DENND1A: variants seen among roughly 807,000 people sequenced by gnomAD.
DENND1A encodes DENN domain-containing protein 1A.
Under a neutral mutation model 113.7 loss-of-function variants are expected in DENND1A, and 51 were observed. The observed-to-expected ratio is 0.45, with a 90% CI of 0.36 to 0.57. The LOEUF (loss-of-function observed/expected upper bound fraction) is 0.57. DENND1A is among the 20% of genes least tolerant of loss of function. The pLI, the probability that DENND1A is intolerant of heterozygous loss-of-function variation, is 0.00. For synonymous variants in DENND1A, 565 were observed against 570.8 expected, an observed-to-expected ratio of 0.99 and a Z score of 0.14; for missense variants, 1,258 against 1,395.9, an observed-to-expected ratio of 0.90 and a Z score of 1.57.
Position 123,557,758 on chromosome 9 carries a change from G to A in DENND1A, c.868-63C>T, listed in dbSNP as rs2057506664. On this transcript the variant is annotated intron_variant, in intron 12 of 23. Coordinates refer to ENST00000394215, the MANE Select transcript of DENND1A (RefSeq NM_001352964.2). ...GGGTCAAAGTAGGGTGGCTGACTAA[G>A]CCCACTACATATGGAGCCCTGGAAG... is the stretch of plus-strand genomic sequence containing the variant. The A allele has an allele frequency of 1.1e-5, 17 of 1,581,586 alleles. No homozygotes were observed. The South Asian group carries it at 1.6e-4, about 15-fold the overall frequency.
chr9:123,696,150 C>T (rs376544549), intron 5 of DENND1A, among the ~76,000 whole-genome samples: 2 of 152,150 alleles, frequency 1.3e-5, no homozygotes, highest in South Asian at 4.1e-4. Flanking sequence ...TTTACCTATT[C>T]TGCCAAGCCA....
chr9:123,857,913 G>C (rs1264920641), intron 2 of DENND1A, among the ~76,000 whole-genome samples: 1 of 152,054 alleles, frequency 6.6e-6, no homozygotes, highest in Non-Finnish European at 1.5e-5. Flanking sequence ...CAAAAAATTA[G>C]CTGGGCGTGG....
In DENND1A at chr9:123,460,496, G is replaced by A. The variant is rs573299254; in HGVS notation, c.994-2599C>T. Reference sequence around the variant, plus strand: ...AACCTCCACCTGATGGCCTGCTGGCGTCTCAAACTCAAAATAGCCTGAAAC... The same window carrying A: ...AACCTCCACCTGATGGCCTGCTGGCATCTCAAACTCAAAATAGCCTGAAAC... On this transcript the variant is annotated intron_variant, in intron 13 of 23. Transcript: ENST00000394215. Among the ~76,000 whole-genome samples the A allele has an allele frequency of 1.3e-4, 20 of 152,280 alleles. No homozygotes were observed. The South Asian group carries it at 3.5e-3, about 27-fold the overall frequency.
At chr9:123,640,412 C>T (rs2061966250) in intron 9 of DENND1A, among the ~76,000 whole-genome samples, 1 of 152,108 alleles carries the variant, frequency 6.6e-6, no homozygotes, top group Non-Finnish European at 1.5e-5. Context: ...GCTTCTTAGG[C>T]CACTCAAGCT....
At chr9:123,660,149 G>A (rs977374629) in intron 8 of DENND1A, among the ~76,000 whole-genome samples, 3 of 152,150 alleles carry the variant, frequency 2.0e-5, no homozygotes, top group African/African-American at 7.2e-5. Context: ...CCTCAGCTCT[G>A]TGAGCTCTGG....
At chr9:123,757,380 AG>A (rs2070661898) in intron 5 of DENND1A, among the ~76,000 whole-genome samples, 1 of 152,218 alleles carries the variant, frequency 6.6e-6, no homozygotes, top group Non-Finnish European at 1.5e-5. Flanking sequence ...TCCAAGAGAA[AG>A]TCTAACAGGC....
chr9:123,824,954 A>G (rs1438082545), intron 2 of DENND1A, among the ~76,000 whole-genome samples: 2 of 152,148 alleles, frequency 1.3e-5, no homozygotes. Flanking sequence ...GTTCATTTTA[A>G]AATATGTCCT....
chr9:123,667,324 A>C lies in DENND1A; in HGVS notation c.454-245T>G, dbSNP rs2063539714. Among the ~76,000 whole-genome samples the C allele has an allele frequency of 1.3e-5, 2 of 152,176 alleles. 1 individual carries two copies. Among genetic ancestry groups the C allele is most frequent in the South Asian group, 4.1e-4 (2 of 4,826 alleles). ...AGAACTTCTTTAGGAGATATAAATG[A>C]AGAGTTCAGGCCAGGAGTGTTGGCT... On this transcript the variant is annotated intron_variant, in intron 7 of 23. Transcript: ENST00000394215.
chr9:123,653,990 TCTC>T (rs2062804569), intron 8 of DENND1A, among the ~76,000 whole-genome samples: 1 of 151,628 alleles, frequency 6.6e-6, no homozygotes, highest in African/African-American at 2.4e-5. Context: ...CAAAACTAGA[TCTC>T]CTCAATCCAA....
At position 123,429,795 on chromosome 9, in the gene DENND1A, T is replaced by C. The variant is rs149274926; in HGVS notation, c.1488+10565A>G. 2.3e-3 allele frequency among the ~76,000 whole-genome samples: 343 copies of C among 152,210 alleles called. 3 individuals are homozygous for C. The highest frequency in any genetic ancestry group is 4.5e-3 in the Non-Finnish European group (304 of 67,996). ...CAGGACATAGGTATGGGCAAAAATT[T>C]CATGACGAAAATGCCAAAAGCAATG... On this transcript the variant is annotated intron_variant, in intron 19 of 23. Coordinates refer to ENST00000394215, the MANE Select transcript of DENND1A (RefSeq NM_001352964.2).
At chr9:123,910,183 C>G (rs1347930028) in intron 1 of DENND1A, among the ~76,000 whole-genome samples, 1 of 152,088 alleles carries the variant, frequency 6.6e-6, no homozygotes, top group Non-Finnish European at 1.5e-5. Flanking sequence ...TGCAAAGGAC[C>G]TAGAATAGTC....
At chr9:123,502,338 G>A (rs992150565) in intron 13 of DENND1A, among the ~76,000 whole-genome samples, 1 of 152,066 alleles carries the variant, frequency 6.6e-6, no homozygotes, top group Non-Finnish European at 1.5e-5. Context: ...TCTAATTTCT[G>A]AGTCCTTTTT....
At chr9:123,630,081 C>T (rs969013321) in intron 10 of DENND1A, among the ~76,000 whole-genome samples, 5 of 151,944 alleles carry the variant, frequency 3.3e-5, no homozygotes, top group African/African-American at 1.2e-4. Flanking sequence ...CACTCTGTTG[C>T]CCGGGATGGA....
intron 6 of DENND1A, among the ~76,000 whole-genome samples, chr9:123,675,942 T>A (rs1189167446): frequency 6.6e-6 from 1 of 152,226 alleles, no homozygotes; most frequent in Admixed American, 6.5e-5. Context: ...ATGGTTACAC[T>A]TCTCATAACA....
chr9:123,734,114 G>C (rs1156353318), intron 5 of DENND1A, among the ~76,000 whole-genome samples: 1 of 152,186 alleles, frequency 6.6e-6, no homozygotes, highest in African/African-American at 2.4e-5. Flanking sequence ...GACTACAGAT[G>C]TCTGCCACCA....
chr9:123,457,747 TC>T, intron 14 of DENND1A, 45 bp downstream of exon 14: 1 of 1,535,808 alleles, frequency 6.5e-7, no homozygotes, highest in Non-Finnish European at 8.8e-7. Flanking sequence ...GCTGCAGAAA[TC>T]CCCGCCAGGG....
intron 5 of DENND1A, among the ~76,000 whole-genome samples, chr9:123,711,487 A>ATATATATATATATATGTATATATG (rs2066591723): frequency 7.7e-5 from 5 of 64,792 alleles, no homozygotes; most frequent in Non-Finnish European, 1.3e-4. Context: ...AAATTAAAAA[A>ATATATATATATATATGTATATATG]TATATATATA....
chr9:123,431,240 G>T (rs1453177808), intron 19 of DENND1A, among the ~76,000 whole-genome samples: 1 of 152,136 alleles, frequency 6.6e-6, no homozygotes, highest in Non-Finnish European at 1.5e-5. Flanking sequence ...CACATGCTCA[G>T]TTTTTACCCT....
At chr9:123,531,554 T>TACACACACACAC (rs57819030) in intron 13 of DENND1A, among the ~76,000 whole-genome samples, 74 of 103,186 alleles carry the variant, frequency 7.2e-4, no homozygotes, top group South Asian at 1.7e-3. Flanking sequence ...CCTCTCTCTC[T>TACACACACACAC]ACACACACAC....
Sources: gnomAD v4.1 joint callset for allele counts (sites outside exome capture counted in the v4.1 genomes callset) on GRCh38, gnomAD v4.1.1 for gene constraint, MANE v1.5 for transcripts, NCBI Gene and HGNC (gene_info 2026-07-23, HGNC 2026-07-21) for gene names.